Variants in TBC1D12 observed in about 807,000 individuals in gnomAD.
TBC1D12 encodes TBC1 domain family, member 12.
TBC1D12 carries 56 observed loss-of-function variants against 86.7 expected under a neutral mutation model. That is an observed-to-expected ratio of 0.65 (90% CI 0.52 to 0.81). The LOEUF (loss-of-function observed/expected upper bound fraction) is 0.81, where lower values mean the gene tolerates loss of function less well. Ranked by LOEUF, TBC1D12 falls within the 30% of genes least tolerant of loss-of-function variation. The probability of loss-of-function intolerance (pLI) is 0.00; values close to 1 mark genes in which losing one functional copy is unlikely to be tolerated. For missense variants in TBC1D12, 1,023 were observed against 1,038.8 expected (o/e 0.98, Z 0.21); for synonymous variants, 421 against 411.7 (o/e 1.02, Z -0.27).
At chr10:94,484,979 T>C (rs554767941) in intron 3 of TBC1D12, among the ~76,000 whole-genome samples, 195 of 152,356 alleles carry the variant, frequency 1.3e-3, no homozygotes, top group African/African-American at 4.3e-3. Context: ...AATTTGTTTA[T>C]CATTTTTAAT....
chr10:94,508,804 G>T (rs1401044719), intron 7 of TBC1D12: 1 of 151,956 alleles, frequency 6.6e-6, no homozygotes, highest in Non-Finnish European at 1.5e-5. Flanking sequence ...TGCATCATCT[G>T]CAGGTCTGCC....
At chr10:94,514,290 G>A (rs1339570901) in intron 9 of TBC1D12, among the ~76,000 whole-genome samples, 2 of 152,102 alleles carry the variant, frequency 1.3e-5, no homozygotes, top group Non-Finnish European at 2.9e-5. Context: ...TGGAAAGATC[G>A]CTAGAGTTCA....
rs1409636162 is a variant in TBC1D12 at position 94,535,153 on chromosome 10, G to C, written c.*2057G>C. On this transcript the variant is annotated 3_prime_UTR_variant, in exon 13 of 13. Coordinates refer to ENST00000225235, the MANE Select transcript of TBC1D12 (RefSeq NM_015188.2). ...TCCAAGAGTGAATGCATTGGCTTTC[G>C]GAACTGCTACTAGAGACATACATGA... 6.6e-6 allele frequency: 1 copy of C among 152,016 alleles called. No individual in the cohort carries two copies. Among genetic ancestry groups the C allele is most frequent in the African/African-American group, 2.4e-5 (1 of 41,382 alleles). The allele number at this position is 152,016 out of a possible 1,614,324, so 9.4% of individuals were successfully genotyped here.
chr10:94,480,541 A>T (rs902890107), intron 3 of TBC1D12, among the ~76,000 whole-genome samples: 2 of 151,958 alleles, frequency 1.3e-5, no homozygotes, highest in African/African-American at 4.8e-5. Flanking sequence ...CATTATGGTA[A>T]TTCTGCTCGC....
chr10:94,476,127 CTT>C (rs111464034), intron 3 of TBC1D12, among the ~76,000 whole-genome samples: 1 of 147,192 alleles, frequency 6.8e-6, no homozygotes, highest in African/African-American at 2.5e-5. Context: ...CTCTCTCTCT[CTT>C]TTTTTTTTTA....
Position 94,497,036 on chromosome 10 carries a change from T to C in TBC1D12, c.1295-19T>C, listed in dbSNP as rs202200363. ...TCTAGCTTATTTGTATTGAAATAATTTTTACTCGTTTAAAACAGAAATTAA... is the reference window on the plus strand; with the variant it reads ...TCTAGCTTATTTGTATTGAAATAATCTTTACTCGTTTAAAACAGAAATTAA... On this transcript the variant is annotated intron_variant, in intron 4 of 12. Coordinates refer to ENST00000225235, the MANE Select transcript of TBC1D12 (RefSeq NM_015188.2). The C allele has an allele frequency of 1.3e-4, 189 of 1,464,574 alleles. 1 individual carries two copies. In the Middle Eastern group the frequency reaches 2.0e-3, roughly 15 times the overall value. 90.7% of individuals were successfully genotyped at this position (1,464,574 alleles called of 1,614,324 possible).
Position 94,510,138 on chromosome 10 carries a change from G to A in TBC1D12, c.1648G>A (p.Asp550Asn). 1.9e-6 allele frequency: 3 copies of A among 1,609,078 alleles called. No individual in the cohort carries two copies. Among genetic ancestry groups the A allele is most frequent in the Non-Finnish European group, 2.5e-6 (3 of 1,178,802 alleles). ...GGCCAGTCTGGAATTAATTAAGTTG[G>A]ACATATCCCGTACATTTCCATCTCT... is the stretch of plus-strand genomic sequence containing the variant. ...REASLELIKL[D>N]ISRTFPSLYI... The change falls in exon 8 of 13, where the codon GAC becomes AAC. Residue 550 changes from aspartate to asparagine, a missense_variant. Transcript: ENST00000225235.
intron 9 of TBC1D12, among the ~76,000 whole-genome samples, chr10:94,512,181 A>T (rs185454756): frequency 6.6e-6 from 1 of 152,290 alleles, no homozygotes; most frequent in South Asian, 2.1e-4. Flanking sequence ...TCCTCTGTAG[A>T]TATTTTAGTT....
chr10:94,446,799 T>A (rs1007970932), intron 2 of TBC1D12, among the ~76,000 whole-genome samples: 1 of 152,094 alleles, frequency 6.6e-6, no homozygotes, highest in African/African-American at 2.4e-5. Context: ...TACAAAGTTT[T>A]TGCTGGGTGC....
intron 1 of TBC1D12, among the ~76,000 whole-genome samples, chr10:94,426,716 AC>A (rs1458089139): frequency 6.6e-6 from 1 of 152,088 alleles, no homozygotes; most frequent in Non-Finnish European, 1.5e-5. Flanking sequence ...AGCTGGGATT[AC>A]AGGCGCTCGC....
chr10:94,441,267 G>GTA (rs1307473381), intron 1 of TBC1D12, among the ~76,000 whole-genome samples: 1 of 151,290 alleles, frequency 6.6e-6, no homozygotes, highest in Non-Finnish European at 1.5e-5. Flanking sequence ...GACAGGTTAT[G>GTA]TATATATATT....
At chr10:94,487,694 CTT>C (rs35682157) in intron 3 of TBC1D12, among the ~76,000 whole-genome samples, 9,367 of 127,232 alleles carry the variant, frequency 0.074, 335 homozygotes, top group African/African-American at 0.089. Context: ...TGTTGTTTCT[CTT>C]TTTTTTTTTT....
At chr10:94,521,259 A>C (rs1842147594) in intron 9 of TBC1D12, among the ~76,000 whole-genome samples, 1 of 151,734 alleles carries the variant, frequency 6.6e-6, no homozygotes, top group African/African-American at 2.4e-5. Flanking sequence ...CAGGAGAAGA[A>C]GTATATGATA....
chr10:94,535,225 CAG>C lies in TBC1D12; in HGVS notation c.*2133_*2134del, dbSNP rs1217605738. On this transcript the variant is annotated 3_prime_UTR_variant, in exon 13 of 13. Transcript: ENST00000225235. ...TGGGGGCAAGGCTATATCTGATTGA[CAG>C]AGATCTCTGATCTCTAATGACATAT... 6.6e-6 allele frequency: 1 copy of C among 152,122 alleles called. No homozygotes were observed. Among genetic ancestry groups the C allele is most frequent in the Non-Finnish European group, 1.5e-5 (1 of 68,024 alleles). The allele number at this position is 152,122 out of a possible 1,614,324, so 9.4% of individuals were successfully genotyped here.
At chr10:94,408,361 A>G (rs1051944483) in intron 1 of TBC1D12, among the ~76,000 whole-genome samples, 4 of 152,202 alleles carry the variant, frequency 2.6e-5, no homozygotes, top group Non-Finnish European at 4.4e-5. Flanking sequence ...AACTTCCTAA[A>G]TATTGTGGCA....
At chr10:94,487,692 C>T (rs78704629) in intron 3 of TBC1D12, among the ~76,000 whole-genome samples, 3,066 of 123,242 alleles carry the variant, frequency 0.025, 120 homozygotes, top group African/African-American at 0.082. Context: ...TCTGTTGTTT[C>T]TCTTTTTTTT....
rs377358097 is a variant in TBC1D12, at chr10:94,507,303, G to A, written c.1556G>A (p.Arg519Gln). 32 of 1,609,932 alleles carry A rather than the reference G, an allele frequency of 2.0e-5. No homozygotes were observed. Among genetic ancestry groups the A allele is most frequent in the East Asian group, 6.7e-5 (3 of 44,740 alleles). ...ATCTTCCTCTCAAGAGCAAAAGAAC[G>A]GTGGAAAAGTTTCAGTGAAACAAGT... is the stretch of plus-strand genomic sequence containing the variant. The part of the protein sequence containing the change: ...YEIFLSRAKE[R>Q]WKSFSETSSE... Residue 519 changes from arginine (R) to glutamine (Q), a missense_variant, in exon 7 of 13, where the codon CGG (arginine) becomes CAG (glutamine). Physicochemically the swap from Arg to Gln is conservative, Grantham distance 43. This residue lies in a region of TBC1D12 where 395 missense variants were observed against 507.7 expected (regional missense o/e 0.78). Transcript: ENST00000225235.
chr10:94,513,963 G>T (rs2056556247), intron 9 of TBC1D12, among the ~76,000 whole-genome samples: 1 of 150,866 alleles, frequency 6.6e-6, no homozygotes, highest in South Asian at 2.1e-4. Flanking sequence ...AGTAATTTGA[G>T]ATTTACTCTC....
chr10:94,466,207 G>A (rs1017892072), intron 2 of TBC1D12, among the ~76,000 whole-genome samples: 1 of 151,934 alleles, frequency 6.6e-6, no homozygotes, highest in Non-Finnish European at 1.5e-5. Flanking sequence ...CTTTTGTGCT[G>A]TAAACTCCTT....
Sources: allele counts gnomAD v4.1 joint callset (sites outside exome capture counted in the v4.1 genomes callset), GRCh38; gene constraint gnomAD v4.1.1; regional missense constraint gnomAD v4.1.1; transcripts MANE v1.5; gene names NCBI Gene and HGNC (gene_info 2026-07-23, HGNC 2026-07-21).